Variants in CHST8 observed in about 807,000 individuals in gnomAD.
CHST8 encodes the protein GALNAC-4-ST1.
A neutral mutation model predicts 15.0 loss-of-function variants in CHST8; 10 were observed. The ratio of observed to expected loss-of-function variants is 0.67; its 90% CI spans 0.41 to 1.13. CHST8 has a LOEUF of 1.13. Among genes scored for constraint, CHST8 ranks in the 50% most tolerant of loss-of-function variants. The probability of loss-of-function intolerance (pLI) is 0.00; values close to 1 mark genes in which losing one functional copy is unlikely to be tolerated. For synonymous variants in CHST8, 259 were observed against 256.6 expected (o/e 1.01, Z -0.09); for missense variants, 634 against 608.2 (o/e 1.04, Z -0.45).
chr19:33,737,014 T>A (rs1974099813), intron 3 of CHST8, among the ~76,000 whole-genome samples: 1 of 152,096 alleles, frequency 6.6e-6, no homozygotes, highest in Non-Finnish European at 1.5e-5. Flanking sequence ...CTAAAAGACA[T>A]ACCCACCAGC....
intron 3 of CHST8, among the ~76,000 whole-genome samples, chr19:33,692,150 A>G (rs545447014): frequency 6.6e-6 from 1 of 151,108 alleles, no homozygotes; most frequent in Non-Finnish European, 1.5e-5. Context: ...CATTTTAAAC[A>G]TTTTTTTTTT....
chr19:33,738,578 AG>A lies in CHST8; in HGVS notation c.131-32834del, dbSNP rs1465195989. On this transcript the variant is annotated intron_variant, in intron 3 of 4. Transcript: ENST00000650847. ...TCTCTTTTGACATCTGGAGAGAGAG[AG>A]TGCAAGTTTTTTCTTTTTTTCTTCT... Among the ~76,000 whole-genome samples the A allele has an allele frequency of 4.6e-5, 7 of 152,052 alleles. No individual in the cohort carries two copies. The East Asian group carries it at 1.2e-3, about 25-fold the overall frequency.
chr19:33,738,079 T>C (rs990128712), intron 3 of CHST8, among the ~76,000 whole-genome samples: 3 of 152,226 alleles, frequency 2.0e-5, no homozygotes, highest in African/African-American at 7.2e-5. Flanking sequence ...GATGAGGATA[T>C]GACATGCTGC....
At chr19:33,707,845 A>G (rs1327547668) in intron 3 of CHST8, among the ~76,000 whole-genome samples, 1 of 152,214 alleles carries the variant, frequency 6.6e-6, no homozygotes, top group African/African-American at 2.4e-5. Flanking sequence ...TGTTGGCTAA[A>G]ATTGCTGTAC....
intron 3 of CHST8, among the ~76,000 whole-genome samples, chr19:33,696,877 G>C (rs978850781): frequency 4.8e-5 from 7 of 146,506 alleles, no homozygotes; most frequent in African/African-American, 1.8e-4. Flanking sequence ...TTTTGCTCTC[G>C]TTGCCCAGGC....
chr19:33,739,578 C>T (rs1471864084), intron 3 of CHST8, among the ~76,000 whole-genome samples: 1 of 152,192 alleles, frequency 6.6e-6, no homozygotes, highest in Non-Finnish European at 1.5e-5. Flanking sequence ...CAGTGTGCGA[C>T]TCGAGTGGTT....
chr19:33,704,908 TA>T (rs553461502), intron 3 of CHST8, among the ~76,000 whole-genome samples: 2,181 of 127,112 alleles, frequency 0.017, 20 homozygotes, highest in African/African-American at 0.037. Flanking sequence ...GATGCTGTCT[TA>T]AAAAAAAAAA....
intron 3 of CHST8, among the ~76,000 whole-genome samples, chr19:33,722,597 T>C (rs1231666532): frequency 6.6e-6 from 1 of 152,182 alleles, no homozygotes. Context: ...TACCTCTTTG[T>C]TCCTTGGTTG....
intron 1 of CHST8, among the ~76,000 whole-genome samples, chr19:33,667,336 G>A (rs1199737470): frequency 2.0e-5 from 3 of 152,212 alleles, no homozygotes; most frequent in African/African-American, 7.2e-5. Flanking sequence ...TCCCCTGCTT[G>A]AAGTCAGATC....
At chr19:33,750,764 C>G (rs545206349) in intron 3 of CHST8, among the ~76,000 whole-genome samples, 1 of 152,320 alleles carries the variant, frequency 6.6e-6, no homozygotes, top group Admixed American at 6.5e-5. Flanking sequence ...CGCCCACCCC[C>G]AACGGAGGGA....
chr19:33,652,120 C>T (rs924482125), intron 1 of CHST8, among the ~76,000 whole-genome samples: 2 of 151,978 alleles, frequency 1.3e-5, no homozygotes, highest in African/African-American at 4.8e-5. Flanking sequence ...ATGATTATGC[C>T]TTCCTAGTGA....
chr19:33,678,692 T>C (rs1287003345), intron 2 of CHST8, among the ~76,000 whole-genome samples: 3 of 152,130 alleles, frequency 2.0e-5, no homozygotes, highest in Admixed American at 2.0e-4. Context: ...TGAGCCATGA[T>C]TGCATCTCTG....
chr19:33,716,939 G>A (rs1973675589), intron 3 of CHST8, among the ~76,000 whole-genome samples: 1 of 152,100 alleles, frequency 6.6e-6, no homozygotes, highest in African/African-American at 2.4e-5. Context: ...GTCCTCCCAT[G>A]GTTTTCCCTC....
intron 3 of CHST8, among the ~76,000 whole-genome samples, chr19:33,743,796 C>T (rs1599610115): frequency 7.1e-6 from 1 of 140,540 alleles, no homozygotes; most frequent in Admixed American, 7.0e-5. Flanking sequence ...TTCTTTTTTT[C>T]TTTTTTTTTT....
chr19:33,642,888 TTGCATATCATGA>T (rs1169473596), intron 1 of CHST8, among the ~76,000 whole-genome samples: 1 of 152,228 alleles, frequency 6.6e-6, no homozygotes, highest in Non-Finnish European at 1.5e-5. Context: ...TTTAATCACT[TTGCATATCATGA>T]ATTCTTTTCC....
chr19:33,757,531 A>G (rs1599630442), intron 3 of CHST8, among the ~76,000 whole-genome samples: 2 of 50,950 alleles, frequency 3.9e-5, no homozygotes, highest in Non-Finnish European at 7.7e-5. Flanking sequence ...AGAGAAAGAA[A>G]GAAAGAAAGA....
At position 33,772,567 on chromosome 19, in the gene CHST8, C is replaced by T; in HGVS notation, c.779C>T (p.Pro260Leu). 1.2e-6 allele frequency: 2 copies of T among 1,614,138 alleles called. No homozygotes were observed. Among genetic ancestry groups the T allele is most frequent in the Non-Finnish European group, 8.5e-7 (1 of 1,180,042 alleles). Reference sequence around the variant, plus strand: ...ACCAAGATGCTCTTTGTCCGCGAGCCCTTCGAGAGGCTGGTGTCCGCCTTC... The same window carrying T: ...ACCAAGATGCTCTTTGTCCGCGAGCTCTTCGAGAGGCTGGTGTCCGCCTTC... The part of the protein sequence containing the change: ...TYTKMLFVRE[P>L]FERLVSAFRD... Residue 260 changes from proline to leucine, a missense_variant, in exon 5 of 5, where the codon CCC becomes CTC. By Grantham distance (98) the Pro-to-Leu change is moderately conservative. Coordinates refer to ENST00000650847, the MANE Select transcript of CHST8 (RefSeq NM_001127895.2).
intron 1 of CHST8, among the ~76,000 whole-genome samples, chr19:33,654,646 T>A (rs551365010): frequency 1.3e-5 from 2 of 152,202 alleles, no homozygotes; most frequent in Admixed American, 1.3e-4. Flanking sequence ...GGCTTGGGAT[T>A]CTTTTCATTC....
chr19:33,700,455 C>T (rs781440091), intron 3 of CHST8, among the ~76,000 whole-genome samples: 7 of 152,228 alleles, frequency 4.6e-5, no homozygotes, highest in Non-Finnish European at 1.0e-4. Flanking sequence ...CCACCTCGCC[C>T]TCCCATGCCT....
Sources: gnomAD v4.1 joint callset for allele counts (sites outside exome capture counted in the v4.1 genomes callset) on GRCh38, gnomAD v4.1.1 for gene constraint, MANE v1.5 for transcripts, NCBI Gene and HGNC (gene_info 2026-07-23, HGNC 2026-07-21) for gene names.